DEPDC1: variants seen among roughly 807,000 people sequenced by gnomAD.
The protein encoded by DEPDC1 is DEP domain-containing protein 1A.
Under a neutral mutation model 86.8 loss-of-function variants are expected in DEPDC1, and 66 were observed. The observed-to-expected ratio is 0.76, with a 90% CI of 0.62 to 0.93. The LOEUF is 0.93. DEPDC1 is among the 40% of genes least tolerant of loss of function. DEPDC1 has a pLI of 0.00. For missense variants in DEPDC1, 792 were observed against 935.7 expected (o/e 0.85, Z 2.00); for synonymous variants, 255 against 314.9 (o/e 0.81, Z 2.02).
chr1:68,487,041 T>G (rs1297898523), intron 5 of DEPDC1, 57 bp from the exon 6 acceptor site: 3 of 1,507,178 alleles, frequency 2.0e-6, no homozygotes, highest in Admixed American at 2.0e-5. Context: ...GATAGTATAT[T>G]TTAAAATATC....
intron 2 of DEPDC1, among the ~76,000 whole-genome samples, chr1:68,491,765 C>T (rs1397980512): frequency 6.6e-6 from 1 of 151,802 alleles, no homozygotes; most frequent in Non-Finnish European, 1.5e-5. Context: ...ATATCTTTTA[C>T]CATATATCAA....
chr1:68,494,299 C>T, intron 2 of DEPDC1, 131 bp downstream of exon 2: 7 of 844,526 alleles, frequency 8.3e-6, no homozygotes, highest in Non-Finnish European at 5.3e-6. Context: ...TTTAGTTGAA[C>T]TAACAGCATT....
At position 68,476,580 on chromosome 1, in the gene DEPDC1, C is replaced by T. The variant is rs950262004; in HGVS notation, c.*352G>A. ...ATTAGCTAATATCTCAGAACTTGCACATTTGCAGATAAATTTTCTTTTAAG... is the reference window on the plus strand; with the variant it reads ...ATTAGCTAATATCTCAGAACTTGCATATTTGCAGATAAATTTTCTTTTAAG... On this transcript the variant is annotated 3_prime_UTR_variant, in exon 12 of 12. Coordinates refer to ENST00000456315, the MANE Select transcript of DEPDC1 (RefSeq NM_001114120.3). 6.2e-6 allele frequency: 1 copy of T among 160,836 alleles called. No homozygotes were observed. Among genetic ancestry groups the T allele is most frequent in the African/African-American group, 2.4e-5 (1 of 41,812 alleles). 10.0% of individuals were successfully genotyped at this position (160,836 alleles called of 1,614,324 possible).
At chr1:68,479,539 A>C (rs192111695) in intron 9 of DEPDC1, among the ~76,000 whole-genome samples, 1 of 152,040 alleles carries the variant, frequency 6.6e-6, no homozygotes, top group Non-Finnish European at 1.5e-5. Flanking sequence ...ATGGTGGTTC[A>C]TGCCTGTAAT....
chr1:68,479,377 A>G (rs1646138554), intron 9 of DEPDC1, 57 bp from the exon 10 acceptor site: 2 of 1,308,886 alleles, frequency 1.5e-6, no homozygotes, highest in Non-Finnish European at 1.0e-6. Context: ...ACAAACTAGA[A>G]TATCGGTAAT....
chr1:68,485,151 TAAAG>T (rs938975288), intron 6 of DEPDC1, among the ~76,000 whole-genome samples: 28 of 121,998 alleles, frequency 2.3e-4, no homozygotes, highest in Non-Finnish European at 3.0e-4. Context: ...GAAAAAGAAT[TAAAG>T]AAAACAATTC....
In DEPDC1 at chr1:68,476,922, A is replaced by G. The variant is rs199780991; in HGVS notation, c.*10T>C. The G allele has an allele frequency of 3.1e-4, 488 of 1,561,756 alleles. 10 individuals are homozygous for G. In the South Asian group the frequency reaches 4.8e-3, roughly 15 times the overall value. ...TTCCACAAGTATTACATAATTTTTAATTCAGTTAGTTATCTTAGACTACGG... is the reference window on the plus strand; with the variant it reads ...TTCCACAAGTATTACATAATTTTTAGTTCAGTTAGTTATCTTAGACTACGG... On this transcript the variant is annotated 3_prime_UTR_variant, in exon 12 of 12. Transcript: ENST00000456315.
At chr1:68,477,095 A>G in intron 11 of DEPDC1, 26 bp from the exon 12 acceptor site, 1 of 1,569,070 alleles carries the variant, frequency 6.4e-7, no homozygotes, top group South Asian at 1.2e-5. Context: ...AGAAATTAGA[A>G]GGTATTTAAC....
At chr1:68,477,337 A>C (rs1374248032) in intron 11 of DEPDC1, among the ~76,000 whole-genome samples, 1 of 151,004 alleles carries the variant, frequency 6.6e-6, no homozygotes, top group Non-Finnish European at 1.5e-5. Context: ...CACTGATAAA[A>C]CCTATGAAGG....
chr1:68,492,603 A>T (rs2100272183), intron 2 of DEPDC1, among the ~76,000 whole-genome samples: 1 of 152,240 alleles, frequency 6.6e-6, no homozygotes, highest in East Asian at 1.9e-4. Context: ...ACTACTTTGG[A>T]GGCTGAGGTG....
chr1:68,484,339 A>G (rs1646177994), intron 6 of DEPDC1, among the ~76,000 whole-genome samples: 1 of 152,034 alleles, frequency 6.6e-6, no homozygotes, highest in Non-Finnish European at 1.5e-5. Flanking sequence ...AAATTTTAAT[A>G]TCATTTTAAA....
chr1:68,489,001 T>C lies in DEPDC1; in HGVS notation c.505A>G (p.Asn169Asp), dbSNP rs778384578. ...NGEKIKHEIINEDQENAIDNR... is the reference protein window; with the variant it reads ...NGEKIKHEIIDEDQENAIDNR... ...TCAATTGCATTTTCTTGATCTTCAT[T>C]GATTATTTCATGCTTTATTTTCTCG... The change falls in exon 4 of 12, where the codon AAT becomes GAT. Residue 169 changes from asparagine to aspartate, a missense_variant. By Grantham distance (23) the Asn-to-Asp change is conservative. Coordinates refer to ENST00000456315, the MANE Select transcript of DEPDC1 (RefSeq NM_001114120.3). The C allele has an allele frequency of 3.1e-6, 5 of 1,606,844 alleles. No homozygotes were observed. In the African/African-American group the frequency reaches 6.7e-5, roughly 21 times the overall value.
rs1031605932 is a variant in DEPDC1 at position 68,482,464 on chromosome 1, T to C, written c.1344A>G (p.Ile448Met). The C allele has an allele frequency of 3.1e-6, 5 of 1,612,996 alleles. No individual in the cohort carries two copies. The highest frequency in any genetic ancestry group is 3.4e-6 in the Non-Finnish European group (4 of 1,179,290). ...AAAACAGTTTATTATTTTGTCCTTCTATGTTCGGAAAAGATTGATGAAAGA... is the reference window on the plus strand; with the variant it reads ...AAAACAGTTTATTATTTTGTCCTTCCATGTTCGGAAAAGATTGATGAAAGA... ...SSVFHQSFPN[I>M]EGQNNKLFLE... The change falls in exon 8 of 12, where the codon ATA becomes ATG. Residue 448 changes from isoleucine to methionine, a missense_variant. By Grantham distance (10) the Ile-to-Met change is conservative (BLOSUM62 1). Transcript: ENST00000456315.
rs1646116937 is a variant in DEPDC1, at chr1:68,476,657, AAAT to A, written c.*272_*274del. On this transcript the variant is annotated 3_prime_UTR_variant, in exon 12 of 12. Transcript: ENST00000456315. ...ACAGCTCAGTTTTCAAAATTCAAGT[AAAT>A]AAAATTTTAGCACACATCATGATAG... 1 of 242,070 alleles carries A rather than the reference AAAT, an allele frequency of 4.1e-6. No homozygotes were observed. 15.0% of individuals were successfully genotyped at this position (242,070 alleles called of 1,614,324 possible). A position where few individuals can be genotyped will look rare whatever the true frequency, so the allele number is the denominator to read the frequency against.
chr1:68,490,754 G>C (rs1301829946), intron 2 of DEPDC1, among the ~76,000 whole-genome samples: 1 of 152,018 alleles, frequency 6.6e-6, no homozygotes, highest in Non-Finnish European at 1.5e-5. Context: ...GAACAAAGCT[G>C]GAGGCATCAT....
In DEPDC1 at chr1:68,482,225, G is replaced by C. The variant is rs756676152; in HGVS notation, c.1583C>G (p.Pro528Arg). The C allele has an allele frequency of 1.4e-5, 23 of 1,612,894 alleles. No individual in the cohort carries two copies. The South Asian group carries it at 2.3e-4, about 16-fold the overall frequency. ...STRRNSYINTPVAEIIMKPNV... is the reference protein window; with the variant it reads ...STRRNSYINTRVAEIIMKPNV... ...TGGTTTCATGATAATTTCAGCCACT[G>C]GTGTATTGATATAACTATTCCTTCT... is the stretch of plus-strand genomic sequence containing the variant. Residue 528 changes from proline to arginine, a missense_variant, in exon 8 of 12, where the codon CCA (proline) becomes CGA (arginine). Physicochemically the swap from Pro to Arg is moderately radical, Grantham distance 103. Coordinates refer to ENST00000456315, the MANE Select transcript of DEPDC1 (RefSeq NM_001114120.3).
intron 6 of DEPDC1, 146 bp downstream of exon 6, chr1:68,486,791 C>G (rs989133394): frequency 1.9e-6 from 2 of 1,039,500 alleles, no homozygotes; most frequent in African/African-American, 3.3e-5. Flanking sequence ...TTCCACTAGA[C>G]TTTCATTTAT....
intron 5 of DEPDC1, 107 bp from the exon 6 acceptor site, chr1:68,487,091 C>A: frequency 2.2e-6 from 2 of 897,292 alleles, no homozygotes; most frequent in East Asian, 3.1e-5. Flanking sequence ...TACACATACA[C>A]ATACATGTTA....
chr1:68,476,878 A>G lies in DEPDC1; in HGVS notation c.*54T>C. The G allele has an allele frequency of 7.1e-7, 1 of 1,409,238 alleles. No homozygotes were observed. Among genetic ancestry groups the G allele is most frequent in the Non-Finnish European group, 9.6e-7 (1 of 1,046,548 alleles). 87.3% of individuals were successfully genotyped at this position (1,409,238 alleles called of 1,614,324 possible). On this transcript the variant is annotated 3_prime_UTR_variant, in exon 12 of 12. Coordinates refer to ENST00000456315, the MANE Select transcript of DEPDC1 (RefSeq NM_001114120.3). ...CTTTTGAGTAGCTACATTCTCAGAT[A>G]TGGCTTCATTTATCAAAGTTCCACA...
Sources: allele counts gnomAD v4.1 joint callset (sites outside exome capture counted in the v4.1 genomes callset), GRCh38; gene constraint gnomAD v4.1.1; transcripts MANE v1.5; gene names NCBI Gene and HGNC (gene_info 2026-07-23, HGNC 2026-07-21).